CCDC171: variants seen among roughly 807,000 people sequenced by gnomAD.
The protein encoded by CCDC171 is coiled-coil domain-containing protein 171.
CCDC171 carries 177 observed loss-of-function variants against 168.2 expected under a neutral mutation model. The observed-to-expected ratio is 1.05, with a 90% CI of 0.93 to 1.19. CCDC171 has a LOEUF of 1.19. CCDC171 is among the 50% of genes most tolerant of loss of function. The pLI, the probability that CCDC171 is intolerant of heterozygous loss-of-function variation, is 0.00. For missense variants in CCDC171, 1,991 were observed against 1,539.0 expected (o/e 1.29, Z -4.91); for synonymous variants, 687 against 540.8 (o/e 1.27, Z -3.75).
In CCDC171 at chr9:15,923,432, T is replaced by C. The variant is rs544471928; in HGVS notation, c.3753+3010T>C. The stretch of plus-strand genomic sequence containing the variant: ...AGACAAACACTGCATCTCACTCATA[T>C]GTAGAATCTAAACAAGTAACCTCAT... On this transcript the variant is annotated intron_variant, in intron 25 of 25. Coordinates refer to ENST00000380701, the MANE Select transcript of CCDC171 (RefSeq NM_173550.4). Among the ~76,000 whole-genome samples, 7 of 151,438 alleles carry C rather than the reference T, an allele frequency of 4.6e-5. No homozygotes were observed. The East Asian group carries it at 1.4e-3, about 29-fold the overall frequency.
At chr9:15,639,285 A>G (rs1047066527) in intron 7 of CCDC171, among the ~76,000 whole-genome samples, 8 of 152,096 alleles carry the variant, frequency 5.3e-5, no homozygotes, top group African/African-American at 1.9e-4. Context: ...TTATACAGTC[A>G]TAGGTATTAC....
chr9:15,781,239 G>A (rs771701165), intron 20 of CCDC171, among the ~76,000 whole-genome samples: 5 of 152,132 alleles, frequency 3.3e-5, no homozygotes, highest in Non-Finnish European at 7.4e-5. Context: ...AAGTAGTCAG[G>A]ACTTAATTTC....
chr9:15,911,110 G>A (rs888341491), intron 24 of CCDC171, among the ~76,000 whole-genome samples: 3 of 152,166 alleles, frequency 2.0e-5, no homozygotes, highest in Non-Finnish European at 2.9e-5. Context: ...AGATCCTTGA[G>A]GAATCACCAG....
intron 4 of CCDC171, among the ~76,000 whole-genome samples, chr9:15,582,630 C>T (rs891503755): frequency 2.6e-5 from 4 of 152,094 alleles, no homozygotes; most frequent in Non-Finnish European, 5.9e-5. Flanking sequence ...ATGTCCTTTG[C>T]AGGGACATGC....
intron 24 of CCDC171, among the ~76,000 whole-genome samples, chr9:15,899,498 G>T (rs147389577): frequency 1.3e-5 from 2 of 152,140 alleles, no homozygotes; most frequent in Non-Finnish European, 2.9e-5. Flanking sequence ...CCAGCACTTG[G>T]TGTTATCCCA....
chr9:15,883,103 A>G (rs964384107), intron 24 of CCDC171: 2 of 394,654 alleles, frequency 5.1e-6, no homozygotes, highest in Non-Finnish European at 5.0e-6. Context: ...ATCATAGCTC[A>G]CTGCAGTCTC....
chr9:15,814,089 A>G (rs973344003), intron 21 of CCDC171, among the ~76,000 whole-genome samples: 2 of 152,194 alleles, frequency 1.3e-5, no homozygotes, highest in African/African-American at 4.8e-5. Flanking sequence ...GGAAAGGGAT[A>G]ATTTTGCTAG....
intron 25 of CCDC171, among the ~76,000 whole-genome samples, chr9:15,933,640 C>A (rs1028282997): frequency 6.6e-6 from 1 of 151,886 alleles, no homozygotes; most frequent in Non-Finnish European, 1.5e-5. Context: ...AGCTTCCCTG[C>A]AAGAATGGCT....
chr9:15,996,319 A>G (rs369577342), intron 3 of CCDC171, among the ~76,000 whole-genome samples: 1 of 151,704 alleles, frequency 6.6e-6, no homozygotes, highest in East Asian at 1.9e-4. Flanking sequence ...CCTGGCCGGC[A>G]CACCTGCCAT....
At chr9:15,901,931 C>T (rs1170548800) in intron 24 of CCDC171, among the ~76,000 whole-genome samples, 1 of 152,106 alleles carries the variant, frequency 6.6e-6, no homozygotes, top group Admixed American at 6.5e-5. Flanking sequence ...AAAATCTTCT[C>T]TGTAAAGTTC....
chr9:15,779,135 T>C lies in CCDC171; in HGVS notation c.3066T>C (p.Asn1022=). 1 of 1,578,882 alleles carries C rather than the reference T, an allele frequency of 6.3e-7. No individual in the cohort carries two copies. Among genetic ancestry groups the C allele is most frequent in the Non-Finnish European group, 8.6e-7 (1 of 1,166,160 alleles). ...CCCAGGGTCTGCAAATGCAATTAAA[T>C]GAATTTAAGCAGTCTGTAAGTATAT... ...DKAQGLQMQL[N]EFKQSKLITH... Residue 1022 remains asparagine, a synonymous_variant, in exon 20 of 26, where the codon AAT becomes AAC. Coordinates refer to ENST00000380701, the MANE Select transcript of CCDC171 (RefSeq NM_173550.4).
intron 7 of CCDC171, among the ~76,000 whole-genome samples, chr9:15,642,544 C>T (rs1415570103): frequency 6.6e-6 from 1 of 151,408 alleles, no homozygotes; most frequent in East Asian, 1.9e-4. Flanking sequence ...CTAGCACCCT[C>T]TGCTGGATTT....
In CCDC171 at chr9:16,020,744, C is replaced by T. The variant is rs896015081; in HGVS notation, n.524C>T. On this transcript the variant is annotated non_coding_transcript_exon_variant, in exon 4 of 10. Transcript: ENST00000486641. ...CTGGACGAAGGGAGGATTCAGGTCC[C>T]AGGTGGGATGGTGCCGGATAGTGTG... is the stretch of plus-strand genomic sequence containing the variant. 3 of 154,346 alleles carry T rather than the reference C, an allele frequency of 1.9e-5. No individual in the cohort carries two copies. The Admixed American group carries it at 2.0e-4, about 10-fold the overall frequency. 9.6% of individuals were successfully genotyped at this position (154,346 alleles called of 1,614,324 possible).
chr9:15,638,890 G>GTTTGTTTGTTT (rs2046392067), intron 7 of CCDC171, among the ~76,000 whole-genome samples: 1 of 151,974 alleles, frequency 6.6e-6, no homozygotes, highest in Non-Finnish European at 1.5e-5. Context: ...AACTAGGGGA[G>GTTTGTTTGTTT]TTTATTATCA....
chr9:15,569,631 C>T (rs1448767162), intron 2 of CCDC171, among the ~76,000 whole-genome samples: 4 of 151,246 alleles, frequency 2.6e-5, no homozygotes, highest in Admixed American at 6.6e-5. Context: ...CTGGCTAACA[C>T]GGTGAAACCC....
At chr9:15,879,628 C>G (rs1032555075) in intron 24 of CCDC171, among the ~76,000 whole-genome samples, 2 of 152,158 alleles carry the variant, frequency 1.3e-5, no homozygotes, top group African/African-American at 4.8e-5. Context: ...ACATATCTTT[C>G]TTGTCAGTAA....
At chr9:15,982,345 C>G (rs368043391) in intron 3 of CCDC171, among the ~76,000 whole-genome samples, 1 of 152,128 alleles carries the variant, frequency 6.6e-6, no homozygotes, top group Admixed American at 6.5e-5. Context: ...TATTTAACCT[C>G]GTGAACCTCA....
intron 10 of CCDC171, among the ~76,000 whole-genome samples, chr9:15,683,940 G>A (rs1402539415): frequency 6.6e-6 from 1 of 152,106 alleles, no homozygotes; most frequent in Non-Finnish European, 1.5e-5. Context: ...AGATAAGCAA[G>A]TGGGGTCATG....
chr9:16,038,866 CA>C (rs375463651), upstream of CCDC171, among the ~76,000 whole-genome samples: 344 of 50,422 alleles, frequency 6.8e-3, 1 homozygote, highest in South Asian at 0.02. Flanking sequence ...CCTATCAGGC[CA>C]AAAAAAAAAA....
Sources: gnomAD v4.1 joint callset for allele counts (sites outside exome capture counted in the v4.1 genomes callset) on GRCh38, gnomAD v4.1.1 for gene constraint, MANE v1.5 for transcripts, NCBI Gene and HGNC (gene_info 2026-07-23, HGNC 2026-07-21) for gene names.